RTL6: variants seen among roughly 807,000 people sequenced by gnomAD.
RTL6 encodes the protein retrotransposon Gag-like protein 6.
RTL6 carries 9 observed loss-of-function variants against 12.4 expected under a neutral mutation model. The observed-to-expected ratio is 0.73, with a 90% CI of 0.44 to 1.27. The LOEUF (loss-of-function observed/expected upper bound fraction) is 1.27, where lower values mean the gene tolerates loss of function less well. RTL6 is among the 50% of genes most tolerant of loss of function. RTL6 has a pLI of 0.00. For synonymous variants in RTL6, 160 were observed against 142.8 expected (o/e 1.12, Z -0.86); for missense variants, 291 against 330.7 (o/e 0.88, Z 0.93).
rs571107936 is a variant in RTL6, at chr22:44,494,017, G to A, written c.*2820C>T. ...TCACCAAAATGCTTTAGGACATTAA[G>A]TTAGTCCCAGGGTCACACTATACTA... On this transcript the variant is annotated 3_prime_UTR_variant, in exon 2 of 2. Coordinates refer to ENST00000341255, the MANE Select transcript of RTL6 (RefSeq NM_032287.3). 2 of 111,834 alleles carry A rather than the reference G, an allele frequency of 1.8e-5. No homozygotes were observed. Among genetic ancestry groups the A allele is most frequent in the African/African-American group, 6.8e-5 (2 of 29,614 alleles). The allele number at this position is 111,834 out of a possible 1,614,324, so 6.9% of individuals were successfully genotyped here. A position where few individuals can be genotyped will look rare whatever the true frequency, so the allele number is the denominator to read the frequency against.
At position 44,497,345 on chromosome 22, in the gene RTL6, G is replaced by A. The variant is rs1924483279; in HGVS notation, c.212C>T (p.Ala71Val). ...MAELTLLRTR[A>V]RIPGALQITP... is the part of the protein sequence containing the mutation. The stretch of plus-strand genomic sequence containing the variant: ...GATCTGCAGAGCCCCCGGGATCCGC[G>A]CCCTGGTGCGTAACAAGGTCAGCTC... Residue 71 changes from alanine to valine, a missense_variant, in exon 2 of 2, where the codon GCG (alanine) becomes GTG (valine). By Grantham distance (64) the Ala-to-Val change is moderately conservative. Coordinates refer to ENST00000341255, the MANE Select transcript of RTL6 (RefSeq NM_032287.3). The A allele has an allele frequency of 6.2e-7, 1 of 1,612,858 alleles. No individual in the cohort carries two copies. The highest frequency in any genetic ancestry group is 8.5e-7 in the Non-Finnish European group (1 of 1,178,986).
rs1388487147 is a variant in RTL6 at position 44,492,625 on chromosome 22, TA to T, written c.*4211del. On this transcript the variant is annotated 3_prime_UTR_variant, in exon 2 of 2. Transcript: ENST00000341255. ...ATATCTTTAATATATACCGAGCTCATACAAATTTATCTGACCCCAGAAGATA... is the reference window on the plus strand; with the variant it reads ...ATATCTTTAATATATACCGAGCTCATCAAATTTATCTGACCCCAGAAGATA... 5 of 152,162 alleles carry T rather than the reference TA, an allele frequency of 3.3e-5. No homozygotes were observed. The highest frequency in any genetic ancestry group is 1.2e-4 in the African/African-American group (5 of 41,420). 9.4% of individuals were successfully genotyped at this position (152,162 alleles called of 1,614,324 possible). A position where few individuals can be genotyped will look rare whatever the true frequency, so the allele number is the denominator to read the frequency against.
chr22:44,495,294 C>G lies in RTL6; in HGVS notation c.*1543G>C, dbSNP rs1051532141. 7 of 152,648 alleles carry G rather than the reference C, an allele frequency of 4.6e-5. No homozygotes were observed. The highest frequency in any genetic ancestry group is 1.4e-4 in the African/African-American group (6 of 41,438). The allele number at this position is 152,648 out of a possible 1,614,324, so 9.5% of individuals were successfully genotyped here. A position where few individuals can be genotyped will look rare whatever the true frequency, so the allele number is the denominator to read the frequency against. ...CTCTTAAGAAGCCAGGCCCAAGGAC[C>G]CAATCTCTGGGATCCCAAGACATAT... is the stretch of plus-strand genomic sequence containing the variant. On this transcript the variant is annotated 3_prime_UTR_variant, in exon 2 of 2. Transcript: ENST00000341255.
In RTL6 at chr22:44,493,780, ACATGCC is replaced by A. The variant is rs1207212503; in HGVS notation, c.*3051_*3056del. The stretch of plus-strand genomic sequence containing the variant: ...GCTTGTTCCCTAAGTCAACCTCAGC[ACATGCC>A]CAGCTCAGCCATGTCCCTTCACTCC... On this transcript the variant is annotated 3_prime_UTR_variant, in exon 2 of 2. Coordinates refer to ENST00000341255, the MANE Select transcript of RTL6 (RefSeq NM_032287.3). 1.3e-5 allele frequency: 2 copies of A among 152,146 alleles called. No homozygotes were observed. Among genetic ancestry groups the A allele is most frequent in the African/African-American group, 4.8e-5 (2 of 41,368 alleles). 9.4% of individuals were successfully genotyped at this position (152,146 alleles called of 1,614,324 possible).
Position 44,497,569 on chromosome 22 carries a change from T to C in RTL6, c.-13A>G. 6.2e-7 allele frequency: 1 copy of C among 1,610,738 alleles called. No homozygotes were observed. Among genetic ancestry groups the C allele is most frequent in the Non-Finnish European group, 8.5e-7 (1 of 1,178,776 alleles). On this transcript the variant is annotated 5_prime_UTR_variant, in exon 2 of 2. Coordinates refer to ENST00000341255, the MANE Select transcript of RTL6 (RefSeq NM_032287.3). ...GCGGCTGCACCATGCTGGCCAGAGG[T>C]CAGCCACACGCTGAGATCCGCGGGT...
rs1924361508 is a variant in RTL6 at position 44,493,530 on chromosome 22, TCTC to T, written c.*3304_*3306del. 6.6e-6 allele frequency: 1 copy of T among 152,176 alleles called. No individual in the cohort carries two copies. The highest frequency in any genetic ancestry group is 1.5e-5 in the Non-Finnish European group (1 of 68,090). The allele number at this position is 152,176 out of a possible 1,614,324, so 9.4% of individuals were successfully genotyped here. ...ACCTTCTCCCCTACTCTGGGGAGCTTCTCCTGTTGGCCCAACAGTCTGCTCTTG... is the reference window on the plus strand; with the variant it reads ...ACCTTCTCCCCTACTCTGGGGAGCTTCTGTTGGCCCAACAGTCTGCTCTTG... On this transcript the variant is annotated 3_prime_UTR_variant, in exon 2 of 2. Transcript: ENST00000341255.
rs135623 is a variant in RTL6 at position 44,494,792 on chromosome 22, C to T, written c.*2045G>A. On this transcript the variant is annotated 3_prime_UTR_variant, in exon 2 of 2. Coordinates refer to ENST00000341255, the MANE Select transcript of RTL6 (RefSeq NM_032287.3). ...ATGGTAGGGCTTTCAAAAAGCCACT[C>T]GAGTAGAGTGAGCGCTGGCGACACA... The T allele has an allele frequency of 0.5, 75,535 of 151,418 alleles. 19,020 individuals carry two copies. Among genetic ancestry groups the T allele is most frequent in the Non-Finnish European group, 0.52 (35,250 of 67,806 alleles). The allele number at this position is 151,418 out of a possible 1,614,324, so 9.4% of individuals were successfully genotyped here. A position where few individuals can be genotyped will look rare whatever the true frequency, so the allele number is the denominator to read the frequency against.
At position 44,492,767 on chromosome 22, in the gene RTL6, T is replaced by C. The variant is rs908136424; in HGVS notation, c.*4070A>G. ...ACTGAAACACGATGCTATTTTTTCA[T>C]TATCAAATTAGCAAATATTTAGCCA... On this transcript the variant is annotated 3_prime_UTR_variant, in exon 2 of 2. Transcript: ENST00000341255. 2.0e-4 allele frequency: 31 copies of C among 152,238 alleles called. No homozygotes were observed. Among genetic ancestry groups the C allele is most frequent in the Non-Finnish European group, 4.4e-5 (3 of 68,040 alleles). The allele number at this position is 152,238 out of a possible 1,614,324, so 9.4% of individuals were successfully genotyped here. A position where few individuals can be genotyped will look rare whatever the true frequency, so the allele number is the denominator to read the frequency against.
Position 44,496,771 on chromosome 22 carries a change from C to G in RTL6, c.*66G>C. 1.3e-6 allele frequency: 2 copies of G among 1,507,824 alleles called. No individual in the cohort carries two copies. The highest frequency in any genetic ancestry group is 1.8e-6 in the Non-Finnish European group (2 of 1,129,828). 93.4% of individuals were successfully genotyped at this position (1,507,824 alleles called of 1,614,324 possible). On this transcript the variant is annotated 3_prime_UTR_variant, in exon 2 of 2. Transcript: ENST00000341255. ...GGGCAAAGCTGTCGTATGGGCATTT[C>G]TTCTACACAGCAAAGAGCGTATGCT... is the stretch of plus-strand genomic sequence containing the variant.
At position 44,496,544 on chromosome 22, in the gene RTL6, G is replaced by A. The variant is rs1449581765; in HGVS notation, c.*293C>T. 2 of 411,922 alleles carry A rather than the reference G, an allele frequency of 4.9e-6. No individual in the cohort carries two copies. Among genetic ancestry groups the A allele is most frequent in the Non-Finnish European group, 8.7e-6 (2 of 231,048 alleles). The allele number at this position is 411,922 out of a possible 1,614,324, so 25.5% of individuals were successfully genotyped here. A position where few individuals can be genotyped will look rare whatever the true frequency, so the allele number is the denominator to read the frequency against. On this transcript the variant is annotated 3_prime_UTR_variant, in exon 2 of 2. Transcript: ENST00000341255. ...TCCGTCAGCGTGCGGCGGAGTCCCT[G>A]TGCCTAAGTAGCAGAGCGGTAGTCA...
At position 44,496,713 on chromosome 22, in the gene RTL6, T is replaced by C. The variant is rs771321644; in HGVS notation, c.*124A>G. On this transcript the variant is annotated 3_prime_UTR_variant, in exon 2 of 2. Transcript: ENST00000341255. ...AAGGAAGATCTCCTCGGGGAACACG[T>C]CTGGAGAGGCAAGAAGGGAGGTCTT... 67 of 1,223,112 alleles carry C rather than the reference T, an allele frequency of 5.5e-5. No homozygotes were observed. The highest frequency in any genetic ancestry group is 7.2e-5 in the Non-Finnish European group (64 of 882,810). 75.8% of individuals were successfully genotyped at this position (1,223,112 alleles called of 1,614,324 possible).
chr22:44,496,924 A>T lies in RTL6; in HGVS notation c.633T>A (p.Ser211=). The part of the protein sequence containing the change: ...ERQMLCRQLA[S]AGTGPCPVHP... ...GCACTGGGCAAGGCCCCGTGCCCGC[A>T]GAGGCCAGCTGGCGGCAGAGCATCT... Residue 211 remains serine, a synonymous_variant, in exon 2 of 2, where the codon TCT becomes TCA. Coordinates refer to ENST00000341255, the MANE Select transcript of RTL6 (RefSeq NM_032287.3). The T allele has an allele frequency of 6.2e-7, 1 of 1,613,098 alleles. No homozygotes were observed. Among genetic ancestry groups the T allele is most frequent in the Non-Finnish European group, 8.5e-7 (1 of 1,179,582 alleles).
In RTL6 at chr22:44,497,803, C is replaced by T; in HGVS notation, c.-247G>A. On this transcript the variant is annotated 5_prime_UTR_variant, in exon 2 of 2. Transcript: ENST00000341255. ...GGAGCCAGACGGGTGGCTGGACCTG[C>T]TCTGGGCCCTGGAGGATTAAGAAAA... The T allele has an allele frequency of 1.8e-6, 1 of 564,020 alleles. No individual in the cohort carries two copies. The highest frequency in any genetic ancestry group is 3.1e-5 in the East Asian group (1 of 31,990). 34.9% of individuals were successfully genotyped at this position (564,020 alleles called of 1,614,324 possible).
Position 44,492,828 on chromosome 22 carries a change from T to C in RTL6, c.*4009A>G, listed in dbSNP as rs1924340886. The C allele has an allele frequency of 6.6e-6, 1 of 152,242 alleles. No homozygotes were observed. Among genetic ancestry groups the C allele is most frequent in the South Asian group, 2.1e-4 (1 of 4,832 alleles). 9.4% of individuals were successfully genotyped at this position (152,242 alleles called of 1,614,324 possible). A position where few individuals can be genotyped will look rare whatever the true frequency, so the allele number is the denominator to read the frequency against. On this transcript the variant is annotated 3_prime_UTR_variant, in exon 2 of 2. Coordinates refer to ENST00000341255, the MANE Select transcript of RTL6 (RefSeq NM_032287.3). ...CCCAATACGGGCAAGATGGACATGT[T>C]TATCCTTGCTGGTGGCAGTGTAAGG...
rs1446862576 is a variant in RTL6, at chr22:44,493,764, C to T, written c.*3073G>A. ...TTTGTCCAATCCCAGGGCTTGTTCC[C>T]TAAGTCAACCTCAGCACATGCCCAG... is the stretch of plus-strand genomic sequence containing the variant. On this transcript the variant is annotated 3_prime_UTR_variant, in exon 2 of 2. Coordinates refer to ENST00000341255, the MANE Select transcript of RTL6 (RefSeq NM_032287.3). 6.6e-6 allele frequency: 1 copy of T among 152,278 alleles called. No individual in the cohort carries two copies. Among genetic ancestry groups the T allele is most frequent in the African/African-American group, 2.4e-5 (1 of 41,432 alleles). 9.4% of individuals were successfully genotyped at this position (152,278 alleles called of 1,614,324 possible).
chr22:44,497,625 C>A lies in RTL6; in HGVS notation c.-69G>T, dbSNP rs1601870922. 1 of 1,549,562 alleles carries A rather than the reference C, an allele frequency of 6.5e-7. No homozygotes were observed. The highest frequency in any genetic ancestry group is 1.9e-5 in the Admixed American group (1 of 51,716). Reference sequence around the variant, plus strand: ...AAGAGGGTGTGGTGACCAGGTGGGCCCCTGTAGAAATGGGGGCAGTGTGGG... The same window carrying A: ...AAGAGGGTGTGGTGACCAGGTGGGCACCTGTAGAAATGGGGGCAGTGTGGG... On this transcript the variant is annotated 5_prime_UTR_variant, in exon 2 of 2. Coordinates refer to ENST00000341255, the MANE Select transcript of RTL6 (RefSeq NM_032287.3).
rs1050119019 is a variant in RTL6 at position 44,494,311 on chromosome 22, C to T, written c.*2526G>A. ...CAAAGCATCTCCCTTCCCCCACTTT[C>T]TTAGCCTGATCCCCTATCACTGAGG... On this transcript the variant is annotated 3_prime_UTR_variant, in exon 2 of 2. Coordinates refer to ENST00000341255, the MANE Select transcript of RTL6 (RefSeq NM_032287.3). The T allele has an allele frequency of 5.3e-5, 8 of 152,314 alleles. No homozygotes were observed. The highest frequency in any genetic ancestry group is 1.9e-4 in the African/African-American group (8 of 41,468). 9.4% of individuals were successfully genotyped at this position (152,314 alleles called of 1,614,324 possible). A position where few individuals can be genotyped will look rare whatever the true frequency, so the allele number is the denominator to read the frequency against.
rs1924407285 is a variant in RTL6, at chr22:44,495,030, G to A, written c.*1807C>T. The stretch of plus-strand genomic sequence containing the variant: ...ATTCATGGAATGGTGGCCCTGCTGT[G>A]TGTCTTCCCTCCGATCACGCTTAAA... On this transcript the variant is annotated 3_prime_UTR_variant, in exon 2 of 2. Coordinates refer to ENST00000341255, the MANE Select transcript of RTL6 (RefSeq NM_032287.3). 3 of 152,750 alleles carry A rather than the reference G, an allele frequency of 2.0e-5. No individual in the cohort carries two copies. Among genetic ancestry groups the A allele is most frequent in the Admixed American group, 2.0e-4 (3 of 15,290 alleles). The allele number at this position is 152,750 out of a possible 1,614,324, so 9.5% of individuals were successfully genotyped here. A position where few individuals can be genotyped will look rare whatever the true frequency, so the allele number is the denominator to read the frequency against.
At position 44,497,368 on chromosome 22, in the gene RTL6, C is replaced by T. The variant is rs551642118; in HGVS notation, c.189G>A (p.Glu63=). 173 of 1,613,328 alleles carry T rather than the reference C, an allele frequency of 1.1e-4. 3 individuals are homozygous for T. The South Asian group carries it at 1.8e-3, about 17-fold the overall frequency. The stretch of plus-strand genomic sequence containing the variant: ...GCGCCCTGGTGCGTAACAAGGTCAG[C>T]TCTGCCATCACGCTCTCCAGCATGT... ...LTNMLESVMA[E]LTLLRTRARI... is the part of the protein sequence containing the mutation. Residue 63 remains glutamate (E), a synonymous_variant, in exon 2 of 2, where the codon GAG becomes GAA. Transcript: ENST00000341255.
Sources: allele counts gnomAD v4.1 joint callset, GRCh38; gene constraint gnomAD v4.1.1; transcripts MANE v1.5; gene names NCBI Gene and HGNC (gene_info 2026-07-23, HGNC 2026-07-21).